PARD3: variants seen among roughly 807,000 people sequenced by gnomAD.
The protein encoded by PARD3 is partitioning defective 3 homolog.
PARD3 carries 75 observed loss-of-function variants against 155.4 expected under a neutral mutation model. That is an observed-to-expected ratio of 0.48 (90% CI 0.40 to 0.58). The LOEUF is 0.58. Among genes scored for constraint, PARD3 ranks in the 20% least tolerant of loss-of-function variants. The pLI is 0.00. For missense variants in PARD3, 1,642 were observed against 1,721.7 expected (o/e 0.95, Z 0.82); for synonymous variants, 576 against 610.5 (o/e 0.94, Z 0.83).
At chr10:34,284,386 G>C in intron 20 of PARD3, 141 bp from the exon 21 acceptor site, 1 of 529,496 alleles carries the variant, frequency 1.9e-6, no homozygotes, top group South Asian at 3.0e-5. Context: ...CAGTAGTTTG[G>C]GTCAGGACTA....
At chr10:34,747,459 A>C (rs1564574783) in intron 1 of PARD3, among the ~76,000 whole-genome samples, 1 of 152,220 alleles carries the variant, frequency 6.6e-6, no homozygotes, top group Non-Finnish European at 1.5e-5. Flanking sequence ...CTCCTACTTT[A>C]AAAAAAGAAA....
intron 2 of PARD3, among the ~76,000 whole-genome samples, chr10:34,536,517 A>G (rs2083244381): frequency 6.6e-6 from 1 of 152,266 alleles, no homozygotes; most frequent in Non-Finnish European, 1.5e-5. Flanking sequence ...TTCTAAAAAC[A>G]CTATTTAAAA....
chr10:34,119,102 C>T (rs1359145089), intron 24 of PARD3, among the ~76,000 whole-genome samples: 2 of 152,098 alleles, frequency 1.3e-5, no homozygotes, highest in East Asian at 1.9e-4. Context: ...CTGAGACCCT[C>T]TAAAGTTAAA....
At chr10:34,479,293 C>G (rs1327790698) in intron 3 of PARD3, among the ~76,000 whole-genome samples, 1 of 151,770 alleles carries the variant, frequency 6.6e-6, no homozygotes, top group Non-Finnish European at 1.5e-5. Context: ...TCCCGAGTAG[C>G]TGGGACTACA....
At chr10:34,373,845 T>C (rs1281444705) in intron 11 of PARD3, among the ~76,000 whole-genome samples, 4 of 151,886 alleles carry the variant, frequency 2.6e-5, no homozygotes, top group East Asian at 1.9e-4. Flanking sequence ...ATAATATTTA[T>C]AGAAATAGTT....
intron 23 of PARD3, 99 bp from the exon 24 acceptor site, chr10:34,119,839 A>C: frequency 8.9e-7 from 1 of 1,119,958 alleles, no homozygotes; most frequent in Non-Finnish European, 1.2e-6. Flanking sequence ...TGACTTTGAA[A>C]ATTTTGAAAA....
intron 2 of PARD3, among the ~76,000 whole-genome samples, chr10:34,657,528 T>TTTTG (rs113292161): frequency 0.43 from 63,984 of 150,248 alleles, 14,927 homozygotes; most frequent in African/African-American, 0.64. Flanking sequence ...CTCAGTTTTG[T>TTTTG]TTTGTTTGTT....
intron 15 of PARD3, chr10:34,344,891 G>A (rs946450379): frequency 1.0e-6 from 1 of 985,266 alleles, no homozygotes; most frequent in African/African-American, 1.7e-5. Flanking sequence ...TGCAACTTCT[G>A]TCAAGTTAAT....
chr10:34,651,049 A>AAAAAAAAG (rs1564461753), intron 2 of PARD3, among the ~76,000 whole-genome samples: 2 of 128,866 alleles, frequency 1.6e-5, no homozygotes, highest in African/African-American at 5.7e-5. Context: ...AAAAAAAAAA[A>AAAAAAAAG]GGCAGTACAC....
chr10:34,179,065 G>T (rs1169975901), intron 22 of PARD3, among the ~76,000 whole-genome samples: 1 of 152,132 alleles, frequency 6.6e-6, no homozygotes, highest in Non-Finnish European at 1.5e-5. Context: ...GAAAGCAAGG[G>T]AAAATACCAA....
chr10:34,761,404 C>CT (rs1378178810), intron 1 of PARD3, among the ~76,000 whole-genome samples: 3 of 152,100 alleles, frequency 2.0e-5, no homozygotes, highest in Non-Finnish European at 4.4e-5. Flanking sequence ...CAGCGAGACT[C>CT]TGTCAAAAAA....
intron 22 of PARD3, among the ~76,000 whole-genome samples, chr10:34,188,172 T>C (rs1475034557): frequency 1.3e-5 from 2 of 152,178 alleles, no homozygotes; most frequent in Non-Finnish European, 2.9e-5. Flanking sequence ...CCTCAAAAAA[T>C]TGGCTCAGAT....
intron 2 of PARD3, among the ~76,000 whole-genome samples, chr10:34,560,509 T>C (rs1274406411): frequency 6.6e-6 from 1 of 152,204 alleles, no homozygotes; most frequent in Non-Finnish European, 1.5e-5. Flanking sequence ...AACAAAACAA[T>C]CTACTAAGTG....
chr10:34,268,379 C>T (rs912225641), intron 22 of PARD3, among the ~76,000 whole-genome samples: 2 of 150,176 alleles, frequency 1.3e-5, no homozygotes, highest in Admixed American at 6.6e-5. Context: ...GGCGATTCCT[C>T]AAGGATCTAG....
In PARD3 at chr10:34,351,880, C is replaced by T. The variant is rs575626703; in HGVS notation, c.2068-3765G>A. Among the ~76,000 whole-genome samples the T allele has an allele frequency of 2.9e-4, 44 of 152,358 alleles. No homozygotes were observed. In the South Asian group the frequency reaches 8.7e-3, roughly 30 times the overall value. On this transcript the variant is annotated intron_variant, in intron 14 of 24. Coordinates refer to ENST00000374788, the MANE Select transcript of PARD3 (RefSeq NM_001184785.2). ...CAGCCATTAAAGCAAATCATTTGACCTCTTTGCATTTATTTCTTAATACAG... is the reference window on the plus strand; with the variant it reads ...CAGCCATTAAAGCAAATCATTTGACTTCTTTGCATTTATTTCTTAATACAG...
At chr10:34,531,928 G>T (rs1372137641) in intron 2 of PARD3, among the ~76,000 whole-genome samples, 1 of 152,156 alleles carries the variant, frequency 6.6e-6, no homozygotes, top group African/African-American at 2.4e-5. Flanking sequence ...CTCACAAGGA[G>T]ATGATGAGCA....
chr10:34,778,898 C>G (rs529434304), intron 1 of PARD3, among the ~76,000 whole-genome samples: 1 of 152,170 alleles, frequency 6.6e-6, no homozygotes, highest in Non-Finnish European at 1.5e-5. Context: ...GACTGACAAA[C>G]AGCAGCTAAC....
At chr10:34,397,546 G>A (rs1843454936) in intron 7 of PARD3, among the ~76,000 whole-genome samples, 1 of 152,172 alleles carries the variant, frequency 6.6e-6, no homozygotes, top group Admixed American at 6.5e-5. Flanking sequence ...TCTGTTTGGT[G>A]TATCAAAACT....
At chr10:34,331,460 G>T in intron 18 of PARD3, 116 bp from the exon 19 acceptor site, 1 of 601,778 alleles carries the variant, frequency 1.7e-6, no homozygotes, top group Non-Finnish European at 2.9e-6. Flanking sequence ...GATGAGTTCT[G>T]GAATGCAGAT....
Sources: gnomAD v4.1 joint callset for allele counts (sites outside exome capture counted in the v4.1 genomes callset) on GRCh38, gnomAD v4.1.1 for gene constraint, MANE v1.5 for transcripts, NCBI Gene and HGNC (gene_info 2026-07-23, HGNC 2026-07-21) for gene names.